The following RGSL1 variants were observed in gnomAD, a reference collection of about 807,000 sequenced individuals.
The protein encoded by RGSL1 is regulator of G protein signaling protein-like.
RGSL1 carries 97 observed loss-of-function variants against 124.7 expected under a neutral mutation model. That is an observed-to-expected ratio of 0.78 (90% CI 0.66 to 0.92). The LOEUF (loss-of-function observed/expected upper bound fraction) is 0.92. RGSL1 is among the 40% of genes least tolerant of loss of function. The pLI is 0.00. For synonymous variants in RGSL1, 424 were observed against 438.1 expected, an observed-to-expected ratio of 0.97 and a Z score of 0.40; for missense variants, 1,233 against 1,288.4, an observed-to-expected ratio of 0.96 and a Z score of 0.66.
At chr1:182,477,376 G>T (rs1654375406) in intron 6 of RGSL1, among the ~76,000 whole-genome samples, 1 of 152,134 alleles carries the variant, frequency 6.6e-6, no homozygotes, top group African/African-American at 2.4e-5. Flanking sequence ...ATGCCTTTCG[G>T]TCTCATTAGA....
chr1:182,493,076 T>C lies in RGSL1; in HGVS notation c.1772T>C (p.Ile591Thr), dbSNP rs1275147995. The change falls in exon 9 of 22, where the codon ATA becomes ACA. Residue 591 changes from isoleucine (I) to threonine (T), a missense_variant. Physicochemically the swap from Ile to Thr is moderately conservative, Grantham distance 89. Transcript: ENST00000294854. ...ELCYKNPKMA[I>T]QKISDDYKIY... ...TGCTACAAGAACCCAAAGATGGCCA[T>C]ACAGAAGATCAGTGATGACTACAAA... is the stretch of plus-strand genomic sequence containing the variant. 1 of 1,551,558 alleles carries C rather than the reference T, an allele frequency of 6.4e-7. No individual in the cohort carries two copies. The highest frequency in any genetic ancestry group is 2.0e-5 in the Admixed American group (1 of 50,978).
rs184527045 is a variant in RGSL1, at chr1:182,521,946, T to G, written c.1826-58T>G. The G allele has an allele frequency of 2.6e-6, 3 of 1,138,338 alleles. No homozygotes were observed. In the African/African-American group the frequency reaches 4.7e-5, roughly 18 times the overall value. The allele number at this position is 1,138,338 out of a possible 1,614,324, so 70.5% of individuals were successfully genotyped here. On this transcript the variant is annotated intron_variant, in intron 9 of 21. Transcript: ENST00000294854. The stretch of plus-strand genomic sequence containing the variant: ...ATGTCTGAAAAATATCCTTGCTAGT[T>G]TTTCCCTTTTCATTGCTTATAATAT...
intron 10 of RGSL1, among the ~76,000 whole-genome samples, chr1:182,524,008 G>A (rs182195366): frequency 2.6e-4 from 39 of 152,206 alleles, no homozygotes; most frequent in African/African-American, 4.6e-4. Flanking sequence ...ACTCAAAGGC[G>A]AAGATACAAC....
At chr1:182,501,583 T>G (rs1558319956) in intron 9 of RGSL1, among the ~76,000 whole-genome samples, 1 of 152,102 alleles carries the variant, frequency 6.6e-6, no homozygotes, top group Non-Finnish European at 1.5e-5. Flanking sequence ...CCTCCAAGAA[T>G]GCTGGGATTA....
At position 182,558,180 on chromosome 1, in the gene RGSL1, G is replaced by A. The variant is rs562046771; in HGVS notation, c.*165+1958G>A. Reference sequence around the variant, plus strand: ...AGACTGACCCACAGCCCAACAAATTGCATTCCTTGCTTTAATATTTTTCTT... The same window carrying A: ...AGACTGACCCACAGCCCAACAAATTACATTCCTTGCTTTAATATTTTTCTT... On this transcript the variant is annotated intron_variant, in intron 21 of 21. Coordinates refer to ENST00000294854, the MANE Select transcript of RGSL1 (RefSeq NM_001137669.2). 7.2e-5 allele frequency among the ~76,000 whole-genome samples: 11 copies of A among 152,272 alleles called. No individual in the cohort carries two copies. The East Asian group carries it at 1.7e-3, about 24-fold the overall frequency.
At chr1:182,488,811 GA>G (rs1477078118) in intron 7 of RGSL1, 168 bp from the exon 8 acceptor site, 2 of 476,530 alleles carry the variant, frequency 4.2e-6, no homozygotes, top group Admixed American at 3.9e-5. Context: ...AGTTTGATTA[GA>G]AAAGGGTGGG....
chr1:182,557,857 G>C (rs1419355269), intron 21 of RGSL1, among the ~76,000 whole-genome samples: 3 of 152,152 alleles, frequency 2.0e-5, no homozygotes, highest in Admixed American at 6.5e-5. Flanking sequence ...ATGTTCTAAT[G>C]CCAGTTAGTC....
At chr1:182,538,511 G>C (rs1412423777) in intron 14 of RGSL1, among the ~76,000 whole-genome samples, 1 of 150,902 alleles carries the variant, frequency 6.6e-6, no homozygotes, top group Admixed American at 6.6e-5. Flanking sequence ...CTGGACAACA[G>C]AGTGAGACTC....
At chr1:182,550,966 A>G (rs1660522365) in intron 17 of RGSL1, 134 bp from the exon 18 acceptor site, 1 of 640,482 alleles carries the variant, frequency 1.6e-6, no homozygotes, top group Non-Finnish European at 2.8e-6. Flanking sequence ...CCCCAAGGCC[A>G]GGATGCTTTC....
At chr1:182,535,670 C>T (rs1659489906) in intron 14 of RGSL1, among the ~76,000 whole-genome samples, 1 of 152,140 alleles carries the variant, frequency 6.6e-6, no homozygotes, top group Non-Finnish European at 1.5e-5. Flanking sequence ...TTCTACATTC[C>T]CCTCAAATTA....
At chr1:182,450,279 C>G in intron 1 of RGSL1, 101 bp downstream of exon 1, 1 of 1,339,280 alleles carries the variant, frequency 7.5e-7, no homozygotes, top group Non-Finnish European at 1.0e-6. Flanking sequence ...TTCAGGGGCA[C>G]CATGGGTGAC....
chr1:182,527,776 T>C lies in RGSL1; in HGVS notation c.2125+4T>C. 2.6e-6 allele frequency: 4 copies of C among 1,546,300 alleles called. No homozygotes were observed. Among genetic ancestry groups the C allele is most frequent in the Non-Finnish European group, 3.5e-6 (4 of 1,143,524 alleles). Reference sequence around the variant, plus strand: ...TTCCAAGGCCAACTCTCTCCTGGTATGCATCCTCTTCTGATCCTGTTTTCT... The same window carrying C: ...TTCCAAGGCCAACTCTCTCCTGGTACGCATCCTCTTCTGATCCTGTTTTCT... On this transcript the variant is annotated splice_donor_region_variant and intron_variant, in intron 11 of 21. Coordinates refer to ENST00000294854, the MANE Select transcript of RGSL1 (RefSeq NM_001137669.2).
At position 182,530,915 on chromosome 1, in the gene RGSL1, G is replaced by C. The variant is rs1400974510; in HGVS notation, c.2364+5G>C. The C allele has an allele frequency of 1.3e-6, 2 of 1,545,082 alleles. No homozygotes were observed. The highest frequency in any genetic ancestry group is 4.9e-5 in the East Asian group (2 of 40,776). On this transcript the variant is annotated splice_donor_5th_base_variant and intron_variant, in intron 13 of 21. Coordinates refer to ENST00000294854, the MANE Select transcript of RGSL1 (RefSeq NM_001137669.2). ...ACTTACCTACAGGAATCCCAGGTTA[G>C]TGAAGAAGAAAGTGAAACAAGACAT...
At chr1:182,512,284 A>G (rs1433370606) in intron 9 of RGSL1, among the ~76,000 whole-genome samples, 1 of 152,076 alleles carries the variant, frequency 6.6e-6, no homozygotes, top group Admixed American at 6.5e-5. Context: ...TCTTTTTACC[A>G]TCTTTGATAT....
intron 9 of RGSL1, among the ~76,000 whole-genome samples, chr1:182,502,688 T>G (rs1281545999): frequency 1.3e-5 from 2 of 152,248 alleles, no homozygotes; most frequent in African/African-American, 2.4e-5. Flanking sequence ...ATTTATAAGT[T>G]TCTTTTTGAG....
At chr1:182,548,532 G>T in intron 16 of RGSL1, 77 bp downstream of exon 16, 2 of 1,536,304 alleles carry the variant, frequency 1.3e-6, no homozygotes, top group Non-Finnish European at 1.8e-6. Context: ...AAAGCTAATT[G>T]TCAGGCACCT....
At chr1:182,539,122 T>A (rs1345912331) in intron 14 of RGSL1, among the ~76,000 whole-genome samples, 1 of 152,166 alleles carries the variant, frequency 6.6e-6, no homozygotes, top group East Asian at 1.9e-4. Context: ...ATATTTACTA[T>A]CTAAATCAGT....
intron 14 of RGSL1, 89 bp downstream of exon 14, chr1:182,532,880 T>C (rs1659279821): frequency 7.2e-7 from 1 of 1,395,554 alleles, no homozygotes; most frequent in Non-Finnish European, 9.7e-7. Flanking sequence ...CTTTGTGTCA[T>C]GCCTGCGGCA....
Position 182,474,304 on chromosome 1 carries a change from A to C in RGSL1, c.1193A>C (p.Gln398Pro). Residue 398 changes from glutamine to proline, a missense_variant, in exon 6 of 22, where the codon CAA (glutamine) becomes CCA (proline). Coordinates refer to ENST00000294854, the MANE Select transcript of RGSL1 (RefSeq NM_001137669.2). ...LKKLNLKVEI[Q>P]LLDLWQDLQH... ...AAGCTGAATTTGAAAGTGGAGATCC[A>C]ACTTCTTGACCTCTGGCAGGACTTG... The C allele has an allele frequency of 6.4e-7, 1 of 1,551,748 alleles. No individual in the cohort carries two copies. The highest frequency in any genetic ancestry group is 1.2e-5 in the South Asian group (1 of 84,068).
Sources: allele counts gnomAD v4.1 joint callset (sites outside exome capture counted in the v4.1 genomes callset), GRCh38; gene constraint gnomAD v4.1.1; transcripts MANE v1.5; gene names NCBI Gene and HGNC (gene_info 2026-07-23, HGNC 2026-07-21).